Variants in NUGGC observed in about 807,000 individuals in gnomAD.
The protein encoded by NUGGC is nuclear GTPase, germinal center associated, also known as nuclear GTPase SLIP-GC.
NUGGC carries 58 observed loss-of-function variants against 92.6 expected under a neutral mutation model. The ratio of observed to expected loss-of-function variants is 0.63; its 90% CI spans 0.51 to 0.78. The LOEUF (loss-of-function observed/expected upper bound fraction) is 0.78, where lower values mean the gene tolerates loss of function less well. Among genes scored for constraint, NUGGC ranks in the 30% least tolerant of loss-of-function variants. NUGGC has a pLI of 0.00. For missense variants in NUGGC, 925 were observed against 964.6 expected, an observed-to-expected ratio of 0.96 and a Z score of 0.54; for synonymous variants, 376 against 366.4, an observed-to-expected ratio of 1.03 and a Z score of -0.30.
At chr8:28,031,145 T>C (rs1809407295) in intron 15 of NUGGC, 98 bp downstream of exon 15, 1 of 1,392,292 alleles carries the variant, frequency 7.2e-7, no homozygotes, top group East Asian at 2.3e-5. Flanking sequence ...CCCTGGATAC[T>C]CCAGGGAACA....
intron 1 of NUGGC, among the ~76,000 whole-genome samples, chr8:28,080,595 A>G (rs760640970): frequency 6.6e-6 from 1 of 152,230 alleles, no homozygotes; most frequent in Non-Finnish European, 1.5e-5. Context: ...GCAAGCACTA[A>G]ATAATTTGTT....
At position 28,030,350 on chromosome 8, in the gene NUGGC, G is replaced by T; in HGVS notation, c.1977C>A (p.Leu659=). 2 of 1,580,690 alleles carry T rather than the reference G, an allele frequency of 1.3e-6. No individual in the cohort carries two copies. Among genetic ancestry groups the T allele is most frequent in the Non-Finnish European group, 1.7e-6 (2 of 1,161,964 alleles). The part of the protein sequence containing the change: ...LRRKRRIYES[L]TASVQSDLKL... ...TCAGGTCACTCTGGACAGAGGCAGT[G>T]AGGGACTCGTAGATCCTCCTCTTCC... Residue 659 remains leucine, a synonymous_variant, in exon 16 of 19, where the codon CTC becomes CTA. Coordinates refer to ENST00000413272, the MANE Select transcript of NUGGC (RefSeq NM_001010906.2).
intron 7 of NUGGC, among the ~76,000 whole-genome samples, chr8:28,060,813 C>G (rs574961683): frequency 6.6e-6 from 1 of 152,320 alleles, no homozygotes; most frequent in African/African-American, 2.4e-5. Flanking sequence ...TGCCTAGCCC[C>G]CATTTGTTCC....
chr8:28,057,157 T>C (rs1434454525), intron 9 of NUGGC, among the ~76,000 whole-genome samples: 1 of 152,148 alleles, frequency 6.6e-6, no homozygotes, highest in Non-Finnish European at 1.5e-5. Flanking sequence ...GTCATGACAT[T>C]ACAAGAAAAA....
At chr8:28,042,462 T>A (rs1339609657) in intron 12 of NUGGC, among the ~76,000 whole-genome samples, 2 of 152,228 alleles carry the variant, frequency 1.3e-5, no homozygotes, top group Non-Finnish European at 2.9e-5. Flanking sequence ...CTGTCAATCT[T>A]GTGCCCTCTG....
At chr8:28,051,306 C>T (rs1809995949) in intron 10 of NUGGC, among the ~76,000 whole-genome samples, 1 of 152,004 alleles carries the variant, frequency 6.6e-6, no homozygotes, top group Non-Finnish European at 1.5e-5. Flanking sequence ...TAAAGGGTTC[C>T]CACTGGCCAA....
At chr8:28,072,393 G>A (rs2130266255) in intron 2 of NUGGC, among the ~76,000 whole-genome samples, 3 of 152,334 alleles carry the variant, frequency 2.0e-5, no homozygotes, top group Admixed American at 2.0e-4. Context: ...TTTAATCTGT[G>A]CTCGAAAAAG....
At chr8:28,030,468 A>G (rs1427202597) in intron 15 of NUGGC, 50 bp from the exon 16 acceptor site, 2 of 989,982 alleles carry the variant, frequency 2.0e-6, no homozygotes, top group Admixed American at 2.0e-5. Flanking sequence ...CTTCAATGGA[A>G]GCAGGTCAGG....
chr8:28,025,349 G>A (rs950444384), intron 18 of NUGGC, among the ~76,000 whole-genome samples: 6 of 152,228 alleles, frequency 3.9e-5, no homozygotes, highest in Non-Finnish European at 5.9e-5. Context: ...GAAGGAAATA[G>A]GCTTAAATTA....
At chr8:28,030,472 G>A in intron 15 of NUGGC, 54 bp from the exon 16 acceptor site, 1 of 939,996 alleles carries the variant, frequency 1.1e-6, no homozygotes, top group Non-Finnish European at 1.7e-6. Context: ...AATGGAAGCA[G>A]GTCAGGTGTC....
At chr8:28,080,454 A>G (rs1404600120) in intron 1 of NUGGC, among the ~76,000 whole-genome samples, 1 of 152,032 alleles carries the variant, frequency 6.6e-6, no homozygotes, top group African/African-American at 2.4e-5. Flanking sequence ...CGCATCATTA[A>G]CCCTTGCCAA....
chr8:28,063,081 A>T (rs575450944), intron 7 of NUGGC, among the ~76,000 whole-genome samples: 3 of 152,040 alleles, frequency 2.0e-5, no homozygotes, highest in Admixed American at 2.0e-4. Context: ...ATTCAGGGAC[A>T]TCTGAATTCA....
At chr8:28,040,696 G>GAGTGCAGT (rs1809672707) in intron 13 of NUGGC, among the ~76,000 whole-genome samples, 3 of 151,650 alleles carry the variant, frequency 2.0e-5, no homozygotes, top group Admixed American at 2.0e-4. Flanking sequence ...CGCCAGGCTG[G>GAGTGCAGT]AGTGCAGTAG....
rs776811590 is a variant in NUGGC, at chr8:28,029,310, C to G, written c.2110G>C (p.Glu704Gln). The change falls in exon 17 of 19, where the codon GAA becomes CAA. Residue 704 changes from glutamate to glutamine, a missense_variant. By Grantham distance (29) the Glu-to-Gln change is conservative (BLOSUM62 2). Coordinates refer to ENST00000413272, the MANE Select transcript of NUGGC (RefSeq NM_001010906.2). ...VDRQVAEGMF[E>Q]RAQERMQHQF... Reference sequence around the variant, plus strand: ...TGCTGCATCCTTTCCTGGGCCCTTTCAAACATGCCCTCAGCCACCTGCCGG... The same window carrying G: ...TGCTGCATCCTTTCCTGGGCCCTTTGAAACATGCCCTCAGCCACCTGCCGG... 6.2e-7 allele frequency: 1 copy of G among 1,607,986 alleles called. No individual in the cohort carries two copies. The highest frequency in any genetic ancestry group is 1.1e-5 in the South Asian group (1 of 89,498).
intron 12 of NUGGC, among the ~76,000 whole-genome samples, chr8:28,044,350 C>G (rs796395852): frequency 9.2e-5 from 14 of 152,224 alleles, no homozygotes; most frequent in South Asian, 4.1e-4. Context: ...TGTTTATTCA[C>G]AGCTCACTAC....
chr8:28,042,847 G>T (rs774079069), intron 12 of NUGGC, among the ~76,000 whole-genome samples: 1 of 152,220 alleles, frequency 6.6e-6, no homozygotes. Context: ...TCGAATCGAT[G>T]TGTGACCTGA....
intron 14 of NUGGC, among the ~76,000 whole-genome samples, chr8:28,032,267 G>A (rs1287029854): frequency 6.6e-6 from 1 of 152,182 alleles, no homozygotes; most frequent in Non-Finnish European, 1.5e-5. Flanking sequence ...GAAAGGTGGG[G>A]CAGGGATGGG....
At position 28,083,837 on chromosome 8, in the gene NUGGC, G is replaced by A. The variant is rs1171087133; in HGVS notation, c.-109C>T. Reference sequence around the variant, plus strand: ...GGTTTGGTTACAGGAGTCCACAGAGGAGATGGTGGCAGCTTCTCCTTGGTT... The same window carrying A: ...GGTTTGGTTACAGGAGTCCACAGAGAAGATGGTGGCAGCTTCTCCTTGGTT... On this transcript the variant is annotated 5_prime_UTR_variant, in exon 1 of 19. Coordinates refer to ENST00000413272, the MANE Select transcript of NUGGC (RefSeq NM_001010906.2). 1 of 151,896 alleles carries A rather than the reference G, an allele frequency of 6.6e-6. No individual in the cohort carries two copies. Among genetic ancestry groups the A allele is most frequent in the Non-Finnish European group, 1.5e-5 (1 of 68,010 alleles). 9.4% of individuals were successfully genotyped at this position (151,896 alleles called of 1,614,324 possible).
At chr8:28,082,768 T>C (rs979278461) in intron 1 of NUGGC, among the ~76,000 whole-genome samples, 3 of 152,034 alleles carry the variant, frequency 2.0e-5, no homozygotes, top group African/African-American at 7.2e-5. Flanking sequence ...TAGCTGGGCA[T>C]GGCAGCATGT....
Sources: allele counts gnomAD v4.1 joint callset (sites outside exome capture counted in the v4.1 genomes callset), GRCh38; gene constraint gnomAD v4.1.1; transcripts MANE v1.5; gene names NCBI Gene and HGNC (gene_info 2026-07-23, HGNC 2026-07-21).